The following CLYBL variants were observed in gnomAD, a reference collection of about 807,000 sequenced individuals.
CLYBL encodes the protein citramalyl-CoA lyase, mitochondrial.
Under a neutral mutation model 38.9 loss-of-function variants are expected in CLYBL, and 31 were observed. The ratio of observed to expected loss-of-function variants is 0.80; its 90% CI spans 0.60 to 1.08. The LOEUF (loss-of-function observed/expected upper bound fraction) is 1.08. Ranked by LOEUF, CLYBL falls within the 50% of genes least tolerant of loss-of-function variation. The pLI, the probability that CLYBL is intolerant of heterozygous loss-of-function variation, is 0.00. For synonymous variants in CLYBL, 171 were observed against 158.6 expected (o/e 1.08, Z -0.59); for missense variants, 434 against 411.6 (o/e 1.05, Z -0.47).
chr13:99,734,326 G>A (rs1037548979), intron 1 of CLYBL, among the ~76,000 whole-genome samples: 8 of 151,616 alleles, frequency 5.3e-5, no homozygotes, highest in African/African-American at 1.9e-4. Context: ...ACATAAAACC[G>A]ATCTGTTAAA....
chr13:99,814,788 T>C (rs1259180721), intron 2 of CLYBL, among the ~76,000 whole-genome samples: 1 of 151,300 alleles, frequency 6.6e-6, no homozygotes, highest in Non-Finnish European at 1.5e-5. Flanking sequence ...CCCAGCACTT[T>C]GGGAGGCTGA....
chr13:99,612,545 G>A (rs2046642727), intron 1 of CLYBL, among the ~76,000 whole-genome samples: 1 of 151,810 alleles, frequency 6.6e-6, no homozygotes, highest in South Asian at 2.1e-4. Flanking sequence ...TAGCCACCAT[G>A]TCTGGCTAAT....
At chr13:99,658,308 C>T (rs531600906) in intron 1 of CLYBL, among the ~76,000 whole-genome samples, 7 of 152,322 alleles carry the variant, frequency 4.6e-5, no homozygotes, top group African/African-American at 1.7e-4. Flanking sequence ...TTAGGTTTGT[C>T]GATAGTAATC....
chr13:99,662,684 T>A (rs907523790), intron 1 of CLYBL, among the ~76,000 whole-genome samples: 11 of 152,304 alleles, frequency 7.2e-5, no homozygotes, highest in African/African-American at 2.4e-4. Context: ...TTTCCTTTGC[T>A]ACTGTCCAAT....
intron 1 of CLYBL, among the ~76,000 whole-genome samples, chr13:99,752,289 C>G (rs1169459845): frequency 3.3e-5 from 5 of 152,126 alleles, no homozygotes; most frequent in African/African-American, 1.2e-4. Context: ...CCCTAGCCTG[C>G]CACCCAGCCT....
At chr13:99,841,408 T>G (rs1304063895) in intron 2 of CLYBL, among the ~76,000 whole-genome samples, 1 of 152,124 alleles carries the variant, frequency 6.6e-6, no homozygotes, top group Non-Finnish European at 1.5e-5. Context: ...TTTTTTTTAT[T>G]TATTTATTTT....
chr13:99,800,751 T>G (rs1423741854), intron 2 of CLYBL, among the ~76,000 whole-genome samples: 2 of 151,984 alleles, frequency 1.3e-5, no homozygotes, highest in East Asian at 3.9e-4. Context: ...GCGCATGCCT[T>G]TAGTCCCAGC....
chr13:99,763,648 G>A (rs1379499058), intron 1 of CLYBL, among the ~76,000 whole-genome samples: 2 of 149,128 alleles, frequency 1.3e-5, no homozygotes, highest in East Asian at 2.0e-4. Context: ...TCCGCCTCCC[G>A]AGTTCAAGCG....
At position 99,849,122 on chromosome 13, in the gene CLYBL, C is replaced by T. The variant is rs895702149; in HGVS notation, c.250-9739C>T. 6.8e-6 allele frequency among the ~76,000 whole-genome samples: 1 copy of T among 148,096 alleles called. No individual in the cohort carries two copies. Among genetic ancestry groups the T allele is most frequent in the Non-Finnish European group, 1.5e-5 (1 of 67,568 alleles). ...CCATTACACTCCAGCCTAAGAGACACGTGAGACTCCATCTCAAAAAAAGAA... is the reference window on the plus strand; with the variant it reads ...CCATTACACTCCAGCCTAAGAGACATGTGAGACTCCATCTCAAAAAAAGAA... On this transcript the variant is annotated intron_variant, in intron 2 of 8. Transcript: ENST00000339105. The surrounding 1 kb of genome is among the most constrained non-coding windows in gnomAD (Gnocchi z 4.9).
At chr13:99,825,791 G>A (rs2050683224) in intron 2 of CLYBL, among the ~76,000 whole-genome samples, 1 of 152,198 alleles carries the variant, frequency 6.6e-6, no homozygotes, top group Admixed American at 6.5e-5. Context: ...TCCTGCACTG[G>A]CCGTGATTGT....
At chr13:99,731,894 G>A (rs919451883) in intron 1 of CLYBL, among the ~76,000 whole-genome samples, 1 of 152,154 alleles carries the variant, frequency 6.6e-6, no homozygotes, top group African/African-American at 2.4e-5. Context: ...CTTCAGTTCT[G>A]CAGTGAGAAC....
exon 10 of CLYBL, among the ~76,000 whole-genome samples, chr13:99,908,345 TC>T (rs2052718204): frequency 6.6e-6 from 1 of 152,198 alleles, no homozygotes; most frequent in African/African-American, 2.4e-5. Flanking sequence ...GTGGAATCGT[TC>T]CTGCTTCCAA....
intron 2 of CLYBL, among the ~76,000 whole-genome samples, chr13:99,840,301 C>T (rs891582613): frequency 1.3e-5 from 2 of 151,392 alleles, no homozygotes; most frequent in Non-Finnish European, 2.9e-5. Flanking sequence ...TAATCATAAC[C>T]ACCTCCATTC....
chr13:99,686,107 T>C (rs17473570), intron 1 of CLYBL, among the ~76,000 whole-genome samples: 5,963 of 152,264 alleles, frequency 0.039, 150 homozygotes, highest in Non-Finnish European at 0.05. Context: ...TTTTGTGCTA[T>C]GCTGGAGAAG....
chr13:99,827,050 C>A (rs1336218518), intron 2 of CLYBL, among the ~76,000 whole-genome samples: 1 of 152,198 alleles, frequency 6.6e-6, no homozygotes, highest in Non-Finnish European at 1.5e-5. Context: ...TCTCCAGGGT[C>A]ATTTCTGGAA....
intron 1 of CLYBL, among the ~76,000 whole-genome samples, chr13:99,704,312 G>C (rs1254170808): frequency 6.6e-6 from 1 of 152,160 alleles, no homozygotes; most frequent in African/African-American, 2.4e-5. Flanking sequence ...CAGATATAGA[G>C]ATCTTCTTGG....
intron 1 of CLYBL, among the ~76,000 whole-genome samples, chr13:99,754,147 T>C (rs968307849): frequency 7.1e-6 from 1 of 141,110 alleles, no homozygotes; most frequent in African/African-American, 2.6e-5. Context: ...TGGTGGCTCA[T>C]GCCTATAATC....
intron 1 of CLYBL, among the ~76,000 whole-genome samples, chr13:99,683,564 C>T (rs910249071): frequency 5.3e-5 from 8 of 151,776 alleles, no homozygotes; most frequent in African/African-American, 1.9e-4. Context: ...ATACATTAGC[C>T]TAGGCCTACA....
chr13:99,886,062 G>T (rs1566367469), intron 7 of CLYBL, among the ~76,000 whole-genome samples: 2 of 152,158 alleles, frequency 1.3e-5, no homozygotes, highest in Non-Finnish European at 2.9e-5. Context: ...TATGGGAAAA[G>T]GGTGATACCC....
Sources: gnomAD v4.1 joint callset for allele counts (sites outside exome capture counted in the v4.1 genomes callset) on GRCh38, gnomAD v4.1.1 for gene constraint, Gnocchi (gnomAD v3.1) non-coding constraint, MANE v1.5 for transcripts, NCBI Gene and HGNC (gene_info 2026-07-23, HGNC 2026-07-21) for gene names.